SORCS2: variants seen among roughly 807,000 people sequenced by gnomAD.
SORCS2 encodes sortilin related VPS10 domain containing receptor 2.
A neutral mutation model predicts 141.6 loss-of-function variants in SORCS2; 100 were observed. That is an observed-to-expected ratio of 0.71 (90% confidence interval 0.60 to 0.83). The LOEUF is 0.83. SORCS2 is among the 40% of genes least tolerant of loss of function. SORCS2 has a pLI of 0.00. For synonymous variants in SORCS2, 789 were observed against 676.9 expected (o/e 1.17, Z -2.57); for missense variants, 1,646 against 1,560.2 (o/e 1.05, Z -0.93).
intron 3 of SORCS2, among the ~76,000 whole-genome samples, chr4:7,607,152 A>G (rs1718111332): frequency 6.6e-6 from 1 of 152,190 alleles, no homozygotes; most frequent in Admixed American, 6.5e-5. Context: ...TGGCCACAAG[A>G]GTTACGCTTA....
At chr4:7,575,251 T>A (rs1342163038) in intron 3 of SORCS2, among the ~76,000 whole-genome samples, 3 of 152,260 alleles carry the variant, frequency 2.0e-5, no homozygotes, top group Non-Finnish European at 4.4e-5. Flanking sequence ...ATTTTAATGT[T>A]CATTAACCCT....
At chr4:7,255,251 C>T (rs945868452) in intron 1 of SORCS2, among the ~76,000 whole-genome samples, 3 of 151,950 alleles carry the variant, frequency 2.0e-5, no homozygotes, top group African/African-American at 4.8e-5. Context: ...TTTCCGTGGG[C>T]CTTGGGAGAA....
At chr4:7,718,448 G>A (rs1726352715) in intron 18 of SORCS2, among the ~76,000 whole-genome samples, 1 of 152,248 alleles carries the variant, frequency 6.6e-6, no homozygotes, top group South Asian at 2.1e-4. Context: ...AGCAGAAGGA[G>A]ACGTGGTTTC....
At chr4:7,266,186 T>C (rs1379626836) in intron 1 of SORCS2, among the ~76,000 whole-genome samples, 1 of 152,114 alleles carries the variant, frequency 6.6e-6, no homozygotes, top group African/African-American at 2.4e-5. Flanking sequence ...AATCATGAGC[T>C]CCCTGGAGCT....
intron 3 of SORCS2, among the ~76,000 whole-genome samples, chr4:7,633,379 G>A (rs1338249397): frequency 6.6e-6 from 1 of 152,148 alleles, no homozygotes; most frequent in African/African-American, 2.4e-5. Context: ...TCTGCCTGAA[G>A]CCCCGTCCCC....
At chr4:7,308,459 C>A (rs1048725861) in intron 1 of SORCS2, among the ~76,000 whole-genome samples, 7 of 152,190 alleles carry the variant, frequency 4.6e-5, no homozygotes, top group Non-Finnish European at 8.8e-5. Context: ...ACCTGCTCTT[C>A]TTCCGATGCC....
At chr4:7,339,171 A>G (rs890450149) in intron 1 of SORCS2, among the ~76,000 whole-genome samples, 1 of 152,208 alleles carries the variant, frequency 6.6e-6, no homozygotes. Flanking sequence ...AAACCAGCCC[A>G]TGGAGCGCTG....
intron 7 of SORCS2, among the ~76,000 whole-genome samples, chr4:7,666,494 C>T (rs1722513532): frequency 6.6e-6 from 1 of 152,322 alleles, no homozygotes; most frequent in Middle Eastern, 3.4e-3. Context: ...ATCTGGGAGC[C>T]TGTGCTGGGA....
At chr4:7,641,001 C>G (rs996014259) in intron 4 of SORCS2, among the ~76,000 whole-genome samples, 3 of 152,146 alleles carry the variant, frequency 2.0e-5, no homozygotes, top group Non-Finnish European at 2.9e-5. Flanking sequence ...TAGGTCAGCT[C>G]CCAGGGTCAG....
At chr4:7,415,541 A>G (rs1015226691) in intron 2 of SORCS2, among the ~76,000 whole-genome samples, 4 of 152,186 alleles carry the variant, frequency 2.6e-5, no homozygotes, top group African/African-American at 2.4e-5. Flanking sequence ...ATCTAGGATA[A>G]TCTTCCCATT....
intron 1 of SORCS2, among the ~76,000 whole-genome samples, chr4:7,372,359 G>T (rs4044947): frequency 0.71 from 107,858 of 152,034 alleles, 38,555 homozygotes; most frequent in East Asian, 0.96. Context: ...CAGGCTGGAG[G>T]GCAGTGGCGG....
chr4:7,498,488 A>T (rs554715061), intron 2 of SORCS2, among the ~76,000 whole-genome samples: 98 of 152,342 alleles, frequency 6.4e-4, no homozygotes, highest in African/African-American at 2.0e-3. Flanking sequence ...CTGCTCTGCC[A>T]CAAAATTGAG....
At chr4:7,543,695 CCCATCCAT>C (rs1560372946) in intron 3 of SORCS2, among the ~76,000 whole-genome samples, 3 of 31,488 alleles carry the variant, frequency 9.5e-5, no homozygotes, top group African/African-American at 2.4e-4. Flanking sequence ...CACCCATCCA[CCCATCCAT>C]CCATCCACCC....
At chr4:7,272,140 C>G (rs1180330125) in intron 1 of SORCS2, among the ~76,000 whole-genome samples, 1 of 152,144 alleles carries the variant, frequency 6.6e-6, no homozygotes, top group Non-Finnish European at 1.5e-5. Context: ...AATTTCTTAC[C>G]TCTAGTGCAA....
intron 2 of SORCS2, among the ~76,000 whole-genome samples, chr4:7,471,827 C>T (rs1729996078): frequency 6.6e-6 from 1 of 152,222 alleles, no homozygotes; most frequent in Non-Finnish European, 1.5e-5. Context: ...GACGCCCAGG[C>T]GGAGTCACCC....
intron 1 of SORCS2, among the ~76,000 whole-genome samples, chr4:7,289,830 C>T (rs536287181): frequency 2.0e-5 from 3 of 152,290 alleles, no homozygotes; most frequent in South Asian, 2.1e-4. Flanking sequence ...GGCTTGCGGC[C>T]CTTCCTCCCG....
At chr4:7,396,377 C>T in intron 2 of SORCS2, 22 bp downstream of exon 2, 5 of 1,612,902 alleles carry the variant, frequency 3.1e-6, no homozygotes, top group South Asian at 1.1e-5. Context: ...CGATGGCAGG[C>T]CTTTCTCTTA....
At chr4:7,443,941 T>A (rs1184403776) in intron 2 of SORCS2, among the ~76,000 whole-genome samples, 1 of 152,152 alleles carries the variant, frequency 6.6e-6, no homozygotes, top group South Asian at 2.1e-4. Context: ...CTTAACACAA[T>A]GGGCCCCACA....
intron 3 of SORCS2, among the ~76,000 whole-genome samples, chr4:7,630,652 G>A (rs965803930): frequency 2.0e-5 from 3 of 152,218 alleles, no homozygotes; most frequent in Non-Finnish European, 4.4e-5. Flanking sequence ...AGCCACAGGG[G>A]AAGCGCCGGG....
Sources: allele counts gnomAD v4.1 joint callset (sites outside exome capture counted in the v4.1 genomes callset), GRCh38; gene constraint gnomAD v4.1.1; transcripts MANE v1.5; gene names NCBI Gene and HGNC (gene_info 2026-07-23, HGNC 2026-07-21).